EXOC4: variants seen among roughly 807,000 people sequenced by gnomAD.
The protein encoded by EXOC4 is SEC8-like 1.
Under a neutral mutation model 107.2 loss-of-function variants are expected in EXOC4, and 71 were observed. That is an observed-to-expected ratio of 0.66 (90% CI 0.55 to 0.81). The LOEUF (loss-of-function observed/expected upper bound fraction) is 0.81. Ranked by LOEUF, EXOC4 falls within the 30% of genes least tolerant of loss-of-function variation. EXOC4 has a pLI of 0.00. For missense variants in EXOC4, 1,108 were observed against 1,189.6 expected (o/e 0.93, Z 1.01); for synonymous variants, 456 against 441.2 (o/e 1.03, Z -0.42).
At chr7:133,753,034 C>A (rs1175413032) in intron 10 of EXOC4, among the ~76,000 whole-genome samples, 1 of 152,208 alleles carries the variant, frequency 6.6e-6, no homozygotes, top group Non-Finnish European at 1.5e-5. Flanking sequence ...ACTTCCACTT[C>A]TGCAACACCA....
intron 2 of EXOC4, among the ~76,000 whole-genome samples, chr7:133,282,944 C>T (rs146873195): frequency 2.2e-3 from 339 of 152,286 alleles, no homozygotes; most frequent in African/African-American, 7.7e-3. Flanking sequence ...GTCCTCTCAC[C>T]CTGAGCCCCT....
chr7:133,571,651 G>C (rs1048131247), intron 9 of EXOC4, among the ~76,000 whole-genome samples: 1 of 151,416 alleles, frequency 6.6e-6, no homozygotes, highest in African/African-American at 2.4e-5. Flanking sequence ...TGCCAGCCTG[G>C]ATGACAGAGT....
chr7:133,472,502 A>C (rs138950233), intron 7 of EXOC4, among the ~76,000 whole-genome samples: 3 of 152,192 alleles, frequency 2.0e-5, no homozygotes, highest in Non-Finnish European at 4.4e-5. Flanking sequence ...AGAAGGAATT[A>C]ATGTTTTTAT....
chr7:133,790,289 C>T (rs1484516282), intron 10 of EXOC4, among the ~76,000 whole-genome samples: 1 of 152,208 alleles, frequency 6.6e-6, no homozygotes, highest in African/African-American at 2.4e-5. Flanking sequence ...GGAAAAGTCT[C>T]AGAGATTCTT....
At chr7:133,844,465 C>A (rs1424288407) in intron 11 of EXOC4, among the ~76,000 whole-genome samples, 2 of 135,524 alleles carry the variant, frequency 1.5e-5, no homozygotes, top group East Asian at 4.9e-4. Context: ...TCTTGGCTCA[C>A]AGAAACCTCT....
intron 10 of EXOC4, among the ~76,000 whole-genome samples, chr7:133,662,784 T>G (rs138719640): frequency 6.6e-6 from 1 of 152,292 alleles, no homozygotes; most frequent in African/African-American, 2.4e-5. Flanking sequence ...TTTCTCTATT[T>G]TGCCTAGGAA....
In EXOC4 at chr7:133,475,476, A is replaced by G; in HGVS notation, c.1328+3A>G. On this transcript the variant is annotated splice_donor_region_variant and intron_variant, in intron 8 of 17. Transcript: ENST00000253861. ...AGGCCAAAAAATTCTCTTTTCAAGT[A>G]AGTATTATTCTGCTGTTAATAGGTT... 1 of 1,613,758 alleles carries G rather than the reference A, an allele frequency of 6.2e-7. No homozygotes were observed. Among genetic ancestry groups the G allele is most frequent in the Non-Finnish European group, 8.5e-7 (1 of 1,179,738 alleles).
chr7:133,795,951 C>T (rs1796805110), intron 10 of EXOC4, among the ~76,000 whole-genome samples: 1 of 152,108 alleles, frequency 6.6e-6, no homozygotes, highest in Non-Finnish European at 1.5e-5. Flanking sequence ...ATTTACTCTT[C>T]TTAGAACAAT....
At chr7:133,525,037 C>T (rs552267551) in intron 9 of EXOC4, among the ~76,000 whole-genome samples, 13 of 152,124 alleles carry the variant, frequency 8.5e-5, no homozygotes, top group South Asian at 2.1e-4. Flanking sequence ...CCTTTCTTTA[C>T]GAAGAGTCTG....
chr7:133,711,813 G>A (rs1231810363), intron 10 of EXOC4, among the ~76,000 whole-genome samples: 1 of 152,120 alleles, frequency 6.6e-6, no homozygotes, highest in African/African-American at 2.4e-5. Context: ...TTTCCTGACT[G>A]TTGCCCATAG....
At chr7:133,989,919 C>T (rs1794209565) in intron 14 of EXOC4, among the ~76,000 whole-genome samples, 1 of 152,172 alleles carries the variant, frequency 6.6e-6, no homozygotes, top group Non-Finnish European at 1.5e-5. Flanking sequence ...AAAGGATTGA[C>T]AAGTGGTACC....
chr7:133,994,040 A>C (rs1794323395), intron 14 of EXOC4, among the ~76,000 whole-genome samples: 1 of 152,204 alleles, frequency 6.6e-6, no homozygotes, highest in South Asian at 2.1e-4. Context: ...TGCTCCAAAG[A>C]CCAATGTTCA....
In EXOC4 at chr7:134,008,029, A is replaced by G. The variant is rs142819445; in HGVS notation, c.2687+194A>G. ...CTATTGAATTTTGTTACTTTGGCAGATAGTTTTTCCTGATGTCTAACCCAA... is the reference window on the plus strand; with the variant it reads ...CTATTGAATTTTGTTACTTTGGCAGGTAGTTTTTCCTGATGTCTAACCCAA... On this transcript the variant is annotated intron_variant, in intron 17 of 17. Coordinates refer to ENST00000253861, the MANE Select transcript of EXOC4 (RefSeq NM_021807.4). 1,922 of 537,984 alleles carry G rather than the reference A, an allele frequency of 3.6e-3. 23 individuals carry two copies. Among genetic ancestry groups the G allele is most frequent in the African/African-American group, 0.032 (1,670 of 52,494 alleles). The allele number at this position is 537,984 out of a possible 1,614,324, so 33.3% of individuals were successfully genotyped here. A position where few individuals can be genotyped will look rare whatever the true frequency, so the allele number is the denominator to read the frequency against.
intron 10 of EXOC4, among the ~76,000 whole-genome samples, chr7:133,777,928 A>T (rs1181896038): frequency 6.6e-6 from 1 of 152,200 alleles, no homozygotes; most frequent in Admixed American, 6.5e-5. Context: ...CCCAGGTAAT[A>T]GTCTGTGCTT....
intron 10 of EXOC4, among the ~76,000 whole-genome samples, chr7:133,655,609 C>G (rs1446440988): frequency 6.6e-6 from 1 of 152,164 alleles, no homozygotes; most frequent in Non-Finnish European, 1.5e-5. Context: ...CAAACCCACA[C>G]ATTAGCGTAG....
chr7:134,072,104 C>T, the EXOC4 span, among the ~76,000 whole-genome samples: 3 of 152,256 alleles, frequency 2.0e-5, no homozygotes, highest in South Asian at 6.2e-4. Flanking sequence ...AGGGGCTGAC[C>T]CCCCACCAGT....
At chr7:134,057,877 C>T (rs535587395) in intron 17 of EXOC4, among the ~76,000 whole-genome samples, 6 of 152,280 alleles carry the variant, frequency 3.9e-5, no homozygotes, top group African/African-American at 1.4e-4. Context: ...ATCCAGATAG[C>T]TGGTGGTATT....
At chr7:133,417,610 T>C (rs939420928) in intron 7 of EXOC4, among the ~76,000 whole-genome samples, 3 of 152,116 alleles carry the variant, frequency 2.0e-5, no homozygotes, top group African/African-American at 7.2e-5. Flanking sequence ...TCTAAGACAA[T>C]TGGGGAACAT....
chr7:134,012,586 G>C (rs1295446116), intron 17 of EXOC4, among the ~76,000 whole-genome samples: 2 of 152,164 alleles, frequency 1.3e-5, no homozygotes, highest in Non-Finnish European at 2.9e-5. Flanking sequence ...AGAAATGTTT[G>C]AGATGCCTGT....
Sources: gnomAD v4.1 joint callset for allele counts (sites outside exome capture counted in the v4.1 genomes callset) on GRCh38, gnomAD v4.1.1 for gene constraint, MANE v1.5 for transcripts, NCBI Gene and HGNC (gene_info 2026-07-23, HGNC 2026-07-21) for gene names.